OSBPL10: variants seen among roughly 807,000 people sequenced by gnomAD.
OSBPL10 encodes oxysterol binding protein like 10, also known as oxysterol-binding protein-related protein 10.
OSBPL10 carries 49 observed loss-of-function variants against 81.7 expected under a neutral mutation model. That is an observed-to-expected ratio of 0.60 (90% CI 0.48 to 0.76). The LOEUF (loss-of-function observed/expected upper bound fraction) is 0.76, where lower values mean the gene tolerates loss of function less well. Among genes scored for constraint, OSBPL10 ranks in the 30% least tolerant of loss-of-function variants. The pLI is 0.00. For missense variants in OSBPL10, 923 were observed against 987.8 expected (o/e 0.93, Z 0.88); for synonymous variants, 419 against 383.6 (o/e 1.09, Z -1.08).
chr3:32,005,461 TG>T (rs1201064649), intron 2 of OSBPL10, among the ~76,000 whole-genome samples: 1 of 147,464 alleles, frequency 6.8e-6, no homozygotes, highest in Non-Finnish European at 1.5e-5. Context: ...CAAGTTTCTC[TG>T]GAGCATTTAC....
intron 1 of OSBPL10, among the ~76,000 whole-genome samples, chr3:31,924,562 C>T (rs1387421879): frequency 6.6e-6 from 1 of 152,174 alleles, no homozygotes; most frequent in Non-Finnish European, 1.5e-5. Context: ...AATAGATGCA[C>T]TAAAATCAGC....
intron 3 of OSBPL10, among the ~76,000 whole-genome samples, chr3:31,831,189 C>T (rs1162199056): frequency 1.3e-5 from 2 of 152,142 alleles, no homozygotes; most frequent in African/African-American, 4.8e-5. Flanking sequence ...GGCAGATCAC[C>T]TGAGGTCAGG....
intron 1 of OSBPL10, among the ~76,000 whole-genome samples, chr3:31,944,554 A>G (rs934804309): frequency 3.9e-5 from 6 of 152,038 alleles, no homozygotes; most frequent in African/African-American, 1.4e-4. Context: ...TAAAACCACC[A>G]CCTTCCTGAT....
intron 4 of OSBPL10, among the ~76,000 whole-genome samples, chr3:31,827,393 T>G (rs1006582456): frequency 7.2e-5 from 11 of 152,022 alleles, no homozygotes; most frequent in Non-Finnish European, 1.6e-4. Flanking sequence ...TCCCAGCACT[T>G]TGGGAGGCTG....
intron 4 of OSBPL10, among the ~76,000 whole-genome samples, chr3:31,748,822 C>G (rs950263382): frequency 6.6e-6 from 1 of 151,946 alleles, no homozygotes. Context: ...CAAAGACAAA[C>G]AGTAGTCTAA....
At chr3:31,812,818 G>GAGAAAGAAAGAAAGAAAGAAAGAA (rs745663706) in intron 4 of OSBPL10, among the ~76,000 whole-genome samples, 8 of 25,902 alleles carry the variant, frequency 3.1e-4, no homozygotes, top group Non-Finnish European at 3.5e-4. Context: ...AAGAAAGAAA[G>GAGAAAGAAAGAAAGAAAGAAAGAA]AGAAAGAAAG....
intron 2 of OSBPL10, chr3:31,990,978 G>A: frequency 6.4e-7 from 1 of 1,569,918 alleles, no homozygotes; most frequent in Middle Eastern, 1.7e-4. Context: ...TCTTCAGTTA[G>A]AGGTCACTCC....
intron 2 of OSBPL10, among the ~76,000 whole-genome samples, chr3:32,009,668 C>A (rs1400321861): frequency 6.6e-6 from 1 of 152,214 alleles, no homozygotes; most frequent in East Asian, 1.9e-4. Context: ...ATAAGCCCTG[C>A]ACCACATGAG....
chr3:31,945,076 G>T (rs1209508489), intron 1 of OSBPL10, among the ~76,000 whole-genome samples: 3 of 149,116 alleles, frequency 2.0e-5, no homozygotes, highest in Non-Finnish European at 4.4e-5. Context: ...ACTTGAACCT[G>T]GGAGGCAGAG....
chr3:31,927,205 TTAAAAC>T (rs1383762598), intron 1 of OSBPL10, among the ~76,000 whole-genome samples: 2 of 146,024 alleles, frequency 1.4e-5, no homozygotes, highest in South Asian at 2.1e-4. Context: ...CTGAAATAAA[TTAAAAC>T]TATTCATTAC....
chr3:31,873,888 TCA>T (rs1446901912), intron 3 of OSBPL10, among the ~76,000 whole-genome samples: 1 of 152,218 alleles, frequency 6.6e-6, no homozygotes, highest in Non-Finnish European at 1.5e-5. Flanking sequence ...TAAGGTCTGT[TCA>T]CAGTGTTAAA....
rs565833470 is a variant in OSBPL10, at chr3:32,034,441, G to A, written n.298+12050C>T. On this transcript the variant is annotated intron_variant and non_coding_transcript_variant, in intron 2 of 3. Coordinates refer to the OSBPL10 transcript ENST00000479173. ...CGGTGACAGAGCGAGACCCTGTAGC[G>A]GAAAAAAAAAAAAAAAAGATTTTCT... 6.4e-4 allele frequency among the ~76,000 whole-genome samples: 15 copies of A among 23,356 alleles called. No individual in the cohort carries two copies. The South Asian group carries it at 0.028, about 44-fold the overall frequency. The allele number at this position is 23,356 out of a possible 152,430, so 15.3% of individuals were successfully genotyped here.
At chr3:31,733,088 G>C in intron 6 of OSBPL10, 169 bp downstream of exon 6, 1 of 818,460 alleles carries the variant, frequency 1.2e-6, no homozygotes, top group Non-Finnish European at 1.9e-6. Context: ...AAGAACATGA[G>C]AAGTGCCGGG....
chr3:31,809,459 A>T (rs985161820), intron 4 of OSBPL10, among the ~76,000 whole-genome samples: 3 of 152,232 alleles, frequency 2.0e-5, no homozygotes, highest in African/African-American at 7.2e-5. Flanking sequence ...CTATGCCCCT[A>T]TTCTTAGAAA....
chr3:31,939,730 G>A (rs1697484441), intron 1 of OSBPL10, among the ~76,000 whole-genome samples: 1 of 152,060 alleles, frequency 6.6e-6, no homozygotes, highest in African/African-American at 2.4e-5. Context: ...ACACACTCCT[G>A]GGTTTCTTTC....
chr3:31,688,130 T>C (rs1015934341), intron 7 of OSBPL10, among the ~76,000 whole-genome samples: 1 of 151,834 alleles, frequency 6.6e-6, no homozygotes, highest in East Asian at 1.9e-4. Flanking sequence ...AGGCCCAGCA[T>C]CCTGCCATAC....
In OSBPL10 at chr3:31,980,986, G is replaced by A. The variant is rs754488007; in HGVS notation, c.194C>T (p.Pro65Leu). ...RSSPGSVAAS[P>L]SGGGGRRREP... ...CCTCCTGCGGCCGCCTCCCCCGGACGGGCTAGCGGCCACAGAGCCCGGGCT... is the reference window on the plus strand; with the variant it reads ...CCTCCTGCGGCCGCCTCCCCCGGACAGGCTAGCGGCCACAGAGCCCGGGCT... Residue 65 changes from proline (P) to leucine (L), a missense_variant, in exon 1 of 12, where the codon CCG becomes CTG. By Grantham distance (98) the Pro-to-Leu change is moderately conservative. Around this residue, in one of 3 missense-constraint regions of OSBPL10, gnomAD observed 514 missense variants for 508.0 expected, o/e 1.01. Transcript: ENST00000396556. 1 of 1,543,770 alleles carries A rather than the reference G, an allele frequency of 6.5e-7. No homozygotes were observed. Among genetic ancestry groups the A allele is most frequent in the Non-Finnish European group, 8.7e-7 (1 of 1,150,854 alleles).
At chr3:32,001,317 T>C (rs1699142418) in intron 2 of OSBPL10, among the ~76,000 whole-genome samples, 3 of 152,204 alleles carry the variant, frequency 2.0e-5, no homozygotes, top group African/African-American at 7.2e-5. Flanking sequence ...TATTAACCCC[T>C]ACAGTCTTGC....
At chr3:31,899,707 G>A (rs1320697983) in intron 1 of OSBPL10, among the ~76,000 whole-genome samples, 1 of 152,118 alleles carries the variant, frequency 6.6e-6, no homozygotes, top group Non-Finnish European at 1.5e-5. Context: ...TCAGCCAGGT[G>A]CAGTGGTTCA....
Sources: gnomAD v4.1 joint callset for allele counts (sites outside exome capture counted in the v4.1 genomes callset) on GRCh38, gnomAD v4.1.1 for gene constraint, gnomAD v4.1.1 regional missense constraint, MANE v1.5 for transcripts, NCBI Gene and HGNC (gene_info 2026-07-23, HGNC 2026-07-21) for gene names.